Variants in PPFIA2 observed in about 807,000 individuals in gnomAD.
PPFIA2 encodes the protein liprin-alpha-2.
A neutral mutation model predicts 175.5 loss-of-function variants in PPFIA2; 46 were observed. That is an observed-to-expected ratio of 0.26 (90% CI 0.21 to 0.34). PPFIA2 has a LOEUF of 0.34. Ranked by LOEUF, PPFIA2 falls within the 10% of genes least tolerant of loss-of-function variation. The pLI, the probability that PPFIA2 is intolerant of heterozygous loss-of-function variation, is 1.00. For missense variants in PPFIA2, 1,179 were observed against 1,506.1 expected (o/e 0.78, Z 3.60); for synonymous variants, 568 against 511.4 (o/e 1.11, Z -1.49).
At chr12:81,530,976 T>G (rs2064454411) in intron 4 of PPFIA2, among the ~76,000 whole-genome samples, 2 of 151,916 alleles carry the variant, frequency 1.3e-5, no homozygotes, top group South Asian at 4.1e-4. Context: ...TTCAATATAT[T>G]AAGTTATCTG....
intron 9 of PPFIA2, among the ~76,000 whole-genome samples, chr12:81,376,423 A>C: frequency 6.6e-6 from 1 of 152,182 alleles, no homozygotes; most frequent in Middle Eastern, 3.2e-3. Flanking sequence ...AGGCCAAAAA[A>C]AAAAATAGTA....
intron 4 of PPFIA2, among the ~76,000 whole-genome samples, chr12:81,567,746 TA>T (rs1354914225): frequency 8.7e-4 from 132 of 152,348 alleles, no homozygotes; most frequent in African/African-American, 3.1e-3. Context: ...TTCCAGGGCT[TA>T]TGTGTCTCTT....
chr12:81,719,044 G>T (rs1489278703), intron 3 of PPFIA2, among the ~76,000 whole-genome samples: 1 of 151,338 alleles, frequency 6.6e-6, no homozygotes, highest in Non-Finnish European at 1.5e-5. Flanking sequence ...GACAAATAAA[G>T]AACAAAAAAC....
chr12:81,455,985 A>C (rs1245909229), intron 5 of PPFIA2, among the ~76,000 whole-genome samples: 1 of 152,344 alleles, frequency 6.6e-6, no homozygotes, highest in Middle Eastern at 3.4e-3. Flanking sequence ...GAACCTACAC[A>C]GCTAATAAAA....
At chr12:81,553,343 G>A (rs1046693409) in intron 4 of PPFIA2, among the ~76,000 whole-genome samples, 49 of 152,000 alleles carry the variant, frequency 3.2e-4, no homozygotes, top group African/African-American at 7.0e-4. Context: ...GTGGTAAATT[G>A]TATTTTTCAA....
At chr12:81,338,889 T>G (rs1299374157) in intron 21 of PPFIA2, among the ~76,000 whole-genome samples, 5 of 152,116 alleles carry the variant, frequency 3.3e-5, no homozygotes, top group African/African-American at 4.8e-5. Flanking sequence ...CCACTAGCAT[T>G]TACTTTGTAG....
intron 7 of PPFIA2, among the ~76,000 whole-genome samples, chr12:81,434,545 C>T (rs1035116819): frequency 6.6e-6 from 1 of 151,896 alleles, no homozygotes; most frequent in Non-Finnish European, 1.5e-5. Flanking sequence ...CAATTATATA[C>T]ATAAATTGAA....
chr12:81,577,376 T>C (rs2073736144), intron 4 of PPFIA2, among the ~76,000 whole-genome samples: 1 of 151,880 alleles, frequency 6.6e-6, no homozygotes, highest in Non-Finnish European at 1.5e-5. Context: ...TATTAGCAAG[T>C]AGATATAACC....
At chr12:81,464,426 C>T (rs2055204219) in intron 4 of PPFIA2, among the ~76,000 whole-genome samples, 1 of 152,072 alleles carries the variant, frequency 6.6e-6, no homozygotes, top group African/African-American at 2.4e-5. Context: ...CTGTCATATC[C>T]CAGAGCAAAG....
At chr12:81,674,693 A>T (rs920001633) in intron 4 of PPFIA2, among the ~76,000 whole-genome samples, 1 of 152,056 alleles carries the variant, frequency 6.6e-6, no homozygotes, top group Non-Finnish European at 1.5e-5. Flanking sequence ...AATTTTAAAA[A>T]GGAGAAAATT....
chr12:81,657,298 C>T (rs1271546874), intron 4 of PPFIA2, among the ~76,000 whole-genome samples: 3 of 152,224 alleles, frequency 2.0e-5, no homozygotes, highest in Non-Finnish European at 4.4e-5. Context: ...TTAATGAATA[C>T]TAATGACAGA....
intron 4 of PPFIA2, among the ~76,000 whole-genome samples, chr12:81,559,285 C>A (rs1031417846): frequency 2.0e-5 from 3 of 152,174 alleles, no homozygotes; most frequent in Non-Finnish European, 4.4e-5. Context: ...ACAGCGTGTG[C>A]ATTTGCACGT....
chr12:81,503,454 C>G (rs566597078), intron 4 of PPFIA2, among the ~76,000 whole-genome samples: 1 of 151,846 alleles, frequency 6.6e-6, no homozygotes, highest in Non-Finnish European at 1.5e-5. Context: ...ATGACACACA[C>G]AGTCTTCTAG....
At chr12:81,702,717 A>C (rs1324567870) in intron 3 of PPFIA2, among the ~76,000 whole-genome samples, 1 of 152,124 alleles carries the variant, frequency 6.6e-6, no homozygotes, top group African/African-American at 2.4e-5. Flanking sequence ...GTGTGCCCTA[A>C]AAATTCATAT....
chr12:81,521,582 C>T (rs1158412913), intron 4 of PPFIA2, among the ~76,000 whole-genome samples: 1 of 151,144 alleles, frequency 6.6e-6, no homozygotes, highest in Admixed American at 6.6e-5. Flanking sequence ...CTTTGGGACG[C>T]CGAGGCGGGC....
chr12:81,526,953 G>T (rs979508162), intron 4 of PPFIA2, among the ~76,000 whole-genome samples: 3 of 152,090 alleles, frequency 2.0e-5, no homozygotes, highest in Admixed American at 2.0e-4. Flanking sequence ...TTCTCTGGGA[G>T]AATTTAAATT....
At position 81,415,454 on chromosome 12, in the gene PPFIA2, C is replaced by A. The variant is rs533563637; in HGVS notation, c.646-9551G>T. On this transcript the variant is annotated intron_variant, in intron 7 of 32. Transcript: ENST00000549396. ...CACATTACCAGTAAGTTTCTGGTGA[C>A]CTTTTAATTGAAAATACATCATATA... 1.5e-4 allele frequency among the ~76,000 whole-genome samples: 22 copies of A among 149,098 alleles called. No homozygotes were observed. In the South Asian group the frequency reaches 4.4e-3, roughly 30 times the overall value.
At chr12:81,634,153 C>T (rs1343217389) in intron 4 of PPFIA2, among the ~76,000 whole-genome samples, 7 of 151,964 alleles carry the variant, frequency 4.6e-5, no homozygotes, top group African/African-American at 7.2e-5. Flanking sequence ...ATTGCAATAG[C>T]AGGTTTTGTT....
chr12:81,692,827 A>G (rs772771590), intron 3 of PPFIA2, among the ~76,000 whole-genome samples: 1 of 152,118 alleles, frequency 6.6e-6, no homozygotes, highest in Non-Finnish European at 1.5e-5. Flanking sequence ...TTTCTAAGAA[A>G]AACATTTTTG....
Sources: gnomAD v4.1 joint callset for allele counts (sites outside exome capture counted in the v4.1 genomes callset) on GRCh38, gnomAD v4.1.1 for gene constraint, MANE v1.5 for transcripts, NCBI Gene and HGNC (gene_info 2026-07-23, HGNC 2026-07-21) for gene names.